PRRC1: variants seen among roughly 807,000 people sequenced by gnomAD.
PRRC1 encodes the protein protein PRRC1.
PRRC1 carries 39 observed loss-of-function variants against 40.7 expected under a neutral mutation model. The ratio of observed to expected loss-of-function variants is 0.96; its 90% confidence interval spans 0.74 to 1.25. The LOEUF is 1.25. PRRC1 is among the 50% of genes most tolerant of loss of function. PRRC1 has a pLI of 0.00. For synonymous variants in PRRC1, 175 were observed against 193.3 expected (o/e 0.91, Z 0.79); for missense variants, 573 against 548.3 (o/e 1.05, Z -0.45).
intron 3 of PRRC1, 98 bp downstream of exon 3, chr5:127,525,018 C>T: frequency 3.4e-6 from 4 of 1,168,072 alleles, no homozygotes; most frequent in South Asian, 1.7e-5. Flanking sequence ...ATGTACTCTA[C>T]AATTCACCCA....
At chr5:127,526,576 A>G (rs1767618932) in intron 3 of PRRC1, 42 bp from the exon 4 acceptor site, 1 of 1,501,316 alleles carries the variant, frequency 6.7e-7, no homozygotes, top group Non-Finnish European at 9.0e-7. Context: ...GAAAAAGTTT[A>G]TGGAATAAAT....
rs147453194 is a variant in PRRC1 at position 127,545,731 on chromosome 5, T to A, written c.1026-2088T>A. 4.4e-3 allele frequency among the ~76,000 whole-genome samples: 669 copies of A among 152,046 alleles called. 4 individuals carry two copies. Among genetic ancestry groups the A allele is most frequent in the African/African-American group, 0.015 (635 of 41,502 alleles). On this transcript the variant is annotated intron_variant, in intron 7 of 8. Coordinates refer to ENST00000296666, the MANE Select transcript of PRRC1 (RefSeq NM_130809.5). ...CCAGTATGGCACATGTATACATATG[T>A]AACTAACCTGCACATTGTGCACATG...
intron 7 of PRRC1, among the ~76,000 whole-genome samples, chr5:127,543,356 G>A (rs1185938819): frequency 4.0e-5 from 6 of 151,702 alleles, no homozygotes; most frequent in Non-Finnish European, 5.9e-5. Context: ...GTGTCTTGGA[G>A]TTGCTCTTCT....
intron 1 of PRRC1, among the ~76,000 whole-genome samples, chr5:127,519,420 C>T (rs1478432316): frequency 2.0e-5 from 3 of 152,242 alleles, no homozygotes; most frequent in African/African-American, 7.2e-5. Context: ...TCAGTTTACA[C>T]TGGAATCTTT....
chr5:127,536,271 G>A (rs1193156930), intron 6 of PRRC1, among the ~76,000 whole-genome samples: 1 of 148,616 alleles, frequency 6.7e-6, no homozygotes, highest in Non-Finnish European at 1.5e-5. Flanking sequence ...ACTGACGGCT[G>A]TAGGGTTTGA....
rs979525456 is a variant in PRRC1 at position 127,548,382 on chromosome 5, A to G, written c.1128+461A>G. On this transcript the variant is annotated intron_variant, in intron 8 of 8. Transcript: ENST00000296666. The stretch of plus-strand genomic sequence containing the variant: ...CACGTGTCTTTAGGTTTTTGGCTGA[A>G]AAATGGACCTAATAGTGTACCTATC... The G allele has an allele frequency of 1.4e-5, 3 of 216,114 alleles. No individual in the cohort carries two copies. In the Admixed American group the frequency reaches 1.6e-4, roughly 11 times the overall value. The allele number at this position is 216,114 out of a possible 1,614,324, so 13.4% of individuals were successfully genotyped here.
chr5:127,524,536 A>C lies in PRRC1; in HGVS notation c.109A>C (p.Thr37Pro). Residue 37 changes from threonine (T) to proline (P), a missense_variant, in exon 3 of 9, where the codon ACC becomes CCC. Thr to Pro is a conservative substitution (Grantham distance 38). Coordinates refer to ENST00000296666, the MANE Select transcript of PRRC1 (RefSeq NM_130809.5). ...MSSTPVPLAA[T>P]SSFSSPNVSS... ...TCCTCTCCACTTTTTTCTAGCGGCA[A>C]CCAGTTCTTTTTCTTCTCCAAATGT... The C allele has an allele frequency of 2.5e-6, 4 of 1,593,460 alleles. No individual in the cohort carries two copies. Among genetic ancestry groups the C allele is most frequent in the Non-Finnish European group, 2.6e-6 (3 of 1,167,850 alleles).
chr5:127,533,576 T>C (rs1767826595), intron 5 of PRRC1, 47 bp from the exon 6 acceptor site: 1 of 1,519,610 alleles, frequency 6.6e-7, no homozygotes. Context: ...ATTATGAGAA[T>C]TTCATTATTT....
At position 127,551,758 on chromosome 5, in the gene PRRC1, G is replaced by T. The variant is rs1470567626; in HGVS notation, c.1180G>T (p.Val394Leu). Residue 394 changes from valine to leucine, a missense_variant, in exon 9 of 9, where the codon GTG becomes TTG. Physicochemically the swap from Val to Leu is conservative, Grantham distance 32. Transcript: ENST00000296666. ...DYNLRWSGLLVTVGEVLEKSL... is the reference protein window; with the variant it reads ...DYNLRWSGLLLTVGEVLEKSL... ...TAATCTGAGGTGGTCAGGCCTTTTG[G>T]TGACAGTGGGTGAAGTCCTGGAAAA... 4 of 1,614,076 alleles carry T rather than the reference G, an allele frequency of 2.5e-6. No individual in the cohort carries two copies. In the South Asian group the frequency reaches 4.4e-5, roughly 18 times the overall value.
At chr5:127,542,625 G>A (rs1257379704) in intron 7 of PRRC1, among the ~76,000 whole-genome samples, 1 of 151,472 alleles carries the variant, frequency 6.6e-6, no homozygotes, top group Non-Finnish European at 1.5e-5. Flanking sequence ...TTACCATTAT[G>A]TAATGGCCTT....
chr5:127,522,835 G>C (rs1202801604), intron 1 of PRRC1, among the ~76,000 whole-genome samples: 1 of 151,912 alleles, frequency 6.6e-6, no homozygotes, highest in Non-Finnish European at 1.5e-5. Context: ...CAGTGGTGCA[G>C]TCATAGCTCA....
At position 127,552,625 on chromosome 5, in the gene PRRC1, T is replaced by A. The variant is rs1051316904; in HGVS notation, c.*709T>A. 1 of 979,156 alleles carries A rather than the reference T, an allele frequency of 1.0e-6. No individual in the cohort carries two copies. The highest frequency in any genetic ancestry group is 1.8e-5 in the African/African-American group (1 of 57,108). The allele number at this position is 979,156 out of a possible 1,614,324, so 60.7% of individuals were successfully genotyped here. A position where few individuals can be genotyped will look rare whatever the true frequency, so the allele number is the denominator to read the frequency against. On this transcript the variant is annotated 3_prime_UTR_variant, in exon 9 of 9. Coordinates refer to ENST00000296666, the MANE Select transcript of PRRC1 (RefSeq NM_130809.5). The stretch of plus-strand genomic sequence containing the variant: ...TACATTTTATTTTTTCATTGCTATA[T>A]GACAGCTAAGGGGCAAATGATTCAA...
chr5:127,521,072 G>A (rs1022912789), intron 1 of PRRC1, among the ~76,000 whole-genome samples: 5 of 152,126 alleles, frequency 3.3e-5, no homozygotes, highest in African/African-American at 1.2e-4. Context: ...ATTTTAGCCT[G>A]TAAATTGTTA....
At chr5:127,535,440 T>C (rs1767873646) in intron 6 of PRRC1, among the ~76,000 whole-genome samples, 1 of 152,140 alleles carries the variant, frequency 6.6e-6, no homozygotes, top group East Asian at 1.9e-4. Context: ...CCTGTTTACA[T>C]TGTGTCAGCT....
chr5:127,542,397 G>T lies in PRRC1; in HGVS notation c.1025+3254G>T, dbSNP rs1348049680. ...TGTAGATGTCTATTAGGTCCGCTTG[G>T]TGCAGAGCTGAGTTCAATTTCTGGG... is the stretch of plus-strand genomic sequence containing the variant. On this transcript the variant is annotated intron_variant, in intron 7 of 8. Coordinates refer to ENST00000296666, the MANE Select transcript of PRRC1 (RefSeq NM_130809.5). Among the ~76,000 whole-genome samples the T allele has an allele frequency of 8.4e-4, 128 of 152,146 alleles. 1 individual carries two copies. The highest frequency in any genetic ancestry group is 2.9e-4 in the Non-Finnish European group (20 of 68,010).
At position 127,554,015 on chromosome 5, in the gene PRRC1, C is replaced by A; in HGVS notation, c.*2099C>A. 2 of 1,027,844 alleles carry A rather than the reference C, an allele frequency of 1.9e-6. No individual in the cohort carries two copies. The highest frequency in any genetic ancestry group is 1.8e-5 in the South Asian group (1 of 56,786). The allele number at this position is 1,027,844 out of a possible 1,614,324, so 63.7% of individuals were successfully genotyped here. A position where few individuals can be genotyped will look rare whatever the true frequency, so the allele number is the denominator to read the frequency against. ...CCAGAGTTTTTGAAAAGCAGCGGAG[C>A]ATGACTGACTTCACATGCTCAGCTT... On this transcript the variant is annotated 3_prime_UTR_variant, in exon 9 of 9. Coordinates refer to ENST00000296666, the MANE Select transcript of PRRC1 (RefSeq NM_130809.5).
chr5:127,547,014 TAAATA>T (rs1208841781), intron 7 of PRRC1, among the ~76,000 whole-genome samples: 1 of 152,174 alleles, frequency 6.6e-6, no homozygotes, highest in African/African-American at 2.4e-5. Flanking sequence ...TTTGAATGTG[TAAATA>T]AAAGTCTCCT....
chr5:127,519,364 T>G (rs772587137), intron 1 of PRRC1, among the ~76,000 whole-genome samples: 1 of 152,218 alleles, frequency 6.6e-6, no homozygotes, highest in Non-Finnish European at 1.5e-5. Context: ...ACAGCCAAAC[T>G]TTTTGAAAGT....
chr5:127,525,221 G>T (rs1012461431), intron 3 of PRRC1, among the ~76,000 whole-genome samples: 2 of 152,094 alleles, frequency 1.3e-5, no homozygotes, highest in Non-Finnish European at 2.9e-5. Flanking sequence ...GCTTATCCTG[G>T]TCATTTCATA....
Sources: allele counts gnomAD v4.1 joint callset (sites outside exome capture counted in the v4.1 genomes callset), GRCh38; gene constraint gnomAD v4.1.1; transcripts MANE v1.5; gene names NCBI Gene and HGNC (gene_info 2026-07-23, HGNC 2026-07-21).